The following RUNDC3B variants were observed in gnomAD, a reference collection of about 807,000 sequenced individuals.
RUNDC3B encodes the protein RUN domain containing 3B, also known as RUN domain-containing protein 3B.
In RUNDC3B, 33 loss-of-function variants were observed where a neutral mutation model predicts 58.4. That is an observed-to-expected ratio of 0.56 (90% CI 0.43 to 0.75). The LOEUF (loss-of-function observed/expected upper bound fraction) is 0.75. Among genes scored for constraint, RUNDC3B ranks in the 30% least tolerant of loss-of-function variants. The probability of loss-of-function intolerance (pLI) is 0.00; values close to 1 mark genes in which losing one functional copy is unlikely to be tolerated. For missense variants in RUNDC3B, 501 were observed against 535.7 expected (o/e 0.94, Z 0.64); for synonymous variants, 193 against 195.2 (o/e 0.99, Z 0.10).
intron 4 of RUNDC3B, among the ~76,000 whole-genome samples, chr7:87,723,482 A>G (rs1324896540): frequency 1.3e-5 from 2 of 152,198 alleles, no homozygotes; most frequent in East Asian, 3.8e-4. Context: ...CAAAGAACAG[A>G]AATGTCCAAT....
chr7:87,679,423 C>T (rs1311561386), intron 2 of RUNDC3B, among the ~76,000 whole-genome samples: 2 of 149,684 alleles, frequency 1.3e-5, no homozygotes, highest in African/African-American at 5.0e-5. Flanking sequence ...GGATCTCACC[C>T]TGTCACCCAG....
intron 4 of RUNDC3B, among the ~76,000 whole-genome samples, chr7:87,719,837 TGTA>T (rs923861056): frequency 2.2e-4 from 33 of 151,582 alleles, no homozygotes; most frequent in African/African-American, 6.8e-4. Flanking sequence ...TTAAAATAAA[TGTA>T]GTATTTACTT....
At chr7:87,755,358 T>A (rs1464370140) in intron 6 of RUNDC3B, among the ~76,000 whole-genome samples, 1 of 152,050 alleles carries the variant, frequency 6.6e-6, no homozygotes, top group Non-Finnish European at 1.5e-5. Context: ...TCCAAAATAT[T>A]GAGGAGGAAA....
intron 3 of RUNDC3B, among the ~76,000 whole-genome samples, chr7:87,708,012 G>A (rs575035004): frequency 6.6e-6 from 1 of 152,122 alleles, no homozygotes; most frequent in East Asian, 1.9e-4. Flanking sequence ...AAAAACTTGT[G>A]CTTAGAGGAA....
intron 8 of RUNDC3B, among the ~76,000 whole-genome samples, chr7:87,794,804 A>C (rs1040223243): frequency 6.6e-6 from 1 of 152,196 alleles, no homozygotes; most frequent in Non-Finnish European, 1.5e-5. Flanking sequence ...GTGGAATATA[A>C]TAGACAACCA....
chr7:87,741,378 C>A, intron 5 of RUNDC3B, 121 bp from the exon 6 acceptor site: 1 of 550,496 alleles, frequency 1.8e-6, no homozygotes, highest in Non-Finnish European at 3.2e-6. Context: ...AAATTGCAAA[C>A]AAAAAAATTC....
chr7:87,817,150 A>G (rs990452981), intron 10 of RUNDC3B, among the ~76,000 whole-genome samples: 7 of 152,214 alleles, frequency 4.6e-5, no homozygotes, highest in African/African-American at 1.2e-4. Flanking sequence ...TATTGGCACT[A>G]TAGCCATTAT....
At chr7:87,693,123 T>C (rs566150237) in intron 2 of RUNDC3B, among the ~76,000 whole-genome samples, 1 of 152,336 alleles carries the variant, frequency 6.6e-6, no homozygotes, top group Admixed American at 6.5e-5. Flanking sequence ...TTTTTGGGAA[T>C]GTTATTTCAG....
At chr7:87,817,003 ATCTT>A (rs1384053580) in intron 10 of RUNDC3B, among the ~76,000 whole-genome samples, 7 of 152,228 alleles carry the variant, frequency 4.6e-5, no homozygotes, top group African/African-American at 1.2e-4. Flanking sequence ...TCAATCTTTT[ATCTT>A]TCTTTCTTTC....
At chr7:87,710,699 C>A in intron 4 of RUNDC3B, 44 bp downstream of exon 4, 1 of 1,036,514 alleles carries the variant, frequency 9.6e-7, no homozygotes, top group Non-Finnish European at 1.5e-6. Flanking sequence ...TTGAAAGAAT[C>A]ACCTGAAGAC....
intron 1 of RUNDC3B, among the ~76,000 whole-genome samples, chr7:87,643,327 CT>C (rs972654957): frequency 6.6e-6 from 1 of 151,942 alleles, no homozygotes; most frequent in African/African-American, 2.4e-5. Flanking sequence ...ATGGTTGGGA[CT>C]TTTTTTGGTT....
intron 6 of RUNDC3B, among the ~76,000 whole-genome samples, chr7:87,753,387 G>A (rs1344182510): frequency 1.3e-5 from 2 of 151,654 alleles, no homozygotes; most frequent in Admixed American, 1.3e-4. Context: ...ATGTCTATTA[G>A]GTCCACTTGG....
Position 87,830,652 on chromosome 7 carries a change from G to A in RUNDC3B, c.*622G>A, listed in dbSNP as rs528224291. The A allele has an allele frequency of 6.6e-6, 1 of 151,722 alleles. No individual in the cohort carries two copies. Among genetic ancestry groups the A allele is most frequent in the African/African-American group, 2.4e-5 (1 of 41,424 alleles). The allele number at this position is 151,722 out of a possible 1,614,324, so 9.4% of individuals were successfully genotyped here. A position where few individuals can be genotyped will look rare whatever the true frequency, so the allele number is the denominator to read the frequency against. ...CCATAGGAACATGCCTGTTTTGGTA[G>A]TTACTGACTTAATTTGTTAGTGCCA... is the stretch of plus-strand genomic sequence containing the variant. On this transcript the variant is annotated 3_prime_UTR_variant, in exon 11 of 11. Coordinates refer to ENST00000394654, the MANE Select transcript of RUNDC3B (RefSeq NM_001134405.2).
At chr7:87,778,739 A>G (rs985529950) in intron 8 of RUNDC3B, among the ~76,000 whole-genome samples, 1 of 152,136 alleles carries the variant, frequency 6.6e-6, no homozygotes, top group Admixed American at 6.6e-5. Flanking sequence ...TGATGAAGAA[A>G]GCAGTATAAT....
intron 8 of RUNDC3B, among the ~76,000 whole-genome samples, chr7:87,806,518 T>C (rs1182602176): frequency 6.6e-6 from 1 of 152,178 alleles, no homozygotes; most frequent in Non-Finnish European, 1.5e-5. Context: ...TTAAGGCCTT[T>C]TATAGGTAGA....
At chr7:87,702,109 C>T (rs1003053710) in intron 3 of RUNDC3B, among the ~76,000 whole-genome samples, 2 of 125,504 alleles carry the variant, frequency 1.6e-5, no homozygotes, top group African/African-American at 3.1e-5. Context: ...CGCCACTGCA[C>T]TCCAGCCTGG....
chr7:87,633,836 C>A (rs1452499761), intron 1 of RUNDC3B, among the ~76,000 whole-genome samples: 3 of 152,090 alleles, frequency 2.0e-5, no homozygotes, highest in Non-Finnish European at 4.4e-5. Context: ...ATATTAATGA[C>A]AGTATAATCT....
intron 6 of RUNDC3B, among the ~76,000 whole-genome samples, chr7:87,743,675 A>T (rs949366156): frequency 6.6e-6 from 1 of 151,684 alleles, no homozygotes; most frequent in African/African-American, 2.4e-5. Flanking sequence ...GGTTTTTTTC[A>T]TACTGATTTG....
intron 2 of RUNDC3B, among the ~76,000 whole-genome samples, chr7:87,671,165 C>T (rs75910150): frequency 0.048 from 7,328 of 152,244 alleles, 264 homozygotes; most frequent in East Asian, 0.09. Context: ...TGTCTAGTCA[C>T]AAGCACTGTG....
Sources: gnomAD v4.1 joint callset for allele counts (sites outside exome capture counted in the v4.1 genomes callset) on GRCh38, gnomAD v4.1.1 for gene constraint, MANE v1.5 for transcripts, NCBI Gene and HGNC (gene_info 2026-07-23, HGNC 2026-07-21) for gene names.